Variants in NSDHL observed in about 807,000 individuals in gnomAD.
NSDHL encodes the protein sterol-4-alpha-carboxylate 3-dehydrogenase, decarboxylating.
Under a neutral mutation model 23.0 loss-of-function variants are expected in NSDHL, and 1 was observed. The observed-to-expected ratio is 0.04, with a 90% confidence interval of 0.02 to 0.21. The LOEUF is 0.21. Among genes scored for constraint, NSDHL ranks in the 10% least tolerant of loss-of-function variants. The pLI, the probability that NSDHL is intolerant of heterozygous loss-of-function variation, is 1.00. For missense variants in NSDHL, 237 were observed against 300.9 expected (o/e 0.79, Z 1.57); for synonymous variants, 128 against 121.1 (o/e 1.06, Z -0.37).
In NSDHL at chrX:152,865,933, A is replaced by G. The variant is rs782454035; in HGVS notation, c.658A>G (p.Arg220Gly). The G allele has an allele frequency of 6.5e-5, 79 of 1,211,350 alleles. No homozygotes were observed. The highest frequency in any genetic ancestry group is 8.0e-5 in the Non-Finnish European group (72 of 895,432). The change falls in exon 6 of 8, where the codon AGG (arginine) becomes GGG (glycine). Residue 220 changes from arginine to glycine, a missense_variant. By Grantham distance (125) the Arg-to-Gly change is moderately radical (BLOSUM62 -2). Around this residue, in one of 3 missense-constraint regions of NSDHL, gnomAD observed 39 missense variants for 98.1 expected, o/e 0.40. Transcript: ENST00000370274. The part of the protein sequence containing the change: ...QLVPILIEAA[R>G]NGKMKFVIGN... Reference sequence around the variant, plus strand: ...GGTACCCATCCTCATCGAGGCAGCCAGGAACGGCAAGATGAAGTTCGTGAT... The same window carrying G: ...GGTACCCATCCTCATCGAGGCAGCCGGGAACGGCAAGATGAAGTTCGTGAT...
intron 1 of NSDHL, 85 bp downstream of exon 1, chrX:152,831,202 G>A: frequency 3.4e-6 from 1 of 298,210 alleles, no homozygotes; most frequent in East Asian, 4.8e-5. Flanking sequence ...GGGGTCGCCC[G>A]GGTCGGGTGC....
intron 7 of NSDHL, among the ~76,000 whole-genome samples, chrX:152,868,327 C>T (rs782682151): frequency 8.2e-5 from 9 of 110,389 alleles, no homozygotes; most frequent in African/African-American, 1.6e-4. Context: ...TTAGTAGAGA[C>T]GGGGTTTCAC....
intron 4 of NSDHL, among the ~76,000 whole-genome samples, chrX:152,860,403 G>T (rs954411571): frequency 2.7e-5 from 3 of 111,848 alleles, no homozygotes; most frequent in Admixed American, 9.5e-5. Context: ...TTGTTAAATG[G>T]AAGGTTGGGG....
At chrX:152,858,724 C>G in intron 3 of NSDHL, 46 bp from the exon 4 acceptor site, 23 of 1,172,387 alleles carry the variant, frequency 2.0e-5, no homozygotes, top group Non-Finnish European at 2.6e-5. Context: ...ATGCCATTGA[C>G]CTGTCAAAGC....
Position 152,846,281 on chromosome X carries a change from G to A in NSDHL, c.-43-1G>A. ...TGTCTGTCTCTAACTATGTCTTTAA[G>A]AAAAGAAAAGTTGATTACAAACGGG... On this transcript the variant is annotated splice_acceptor_variant, in intron 1 of 7. Coordinates refer to ENST00000370274, the MANE Select transcript of NSDHL (RefSeq NM_015922.3). LOFTEE classifies it low-confidence loss of function (5UTR_SPLICE). 1 of 998,246 alleles carries A rather than the reference G, an allele frequency of 1.0e-6. No homozygotes were observed. Among genetic ancestry groups the A allele is most frequent in the Non-Finnish European group, 1.4e-6 (1 of 700,237 alleles). 82.3% of individuals were successfully genotyped at this position (998,246 alleles called of 1,213,427 possible). A position where few individuals can be genotyped will look rare whatever the true frequency, so the allele number is the denominator to read the frequency against.
At chrX:152,849,230 T>A (rs1235680833) in intron 2 of NSDHL, among the ~76,000 whole-genome samples, 2 of 112,400 alleles carry the variant, frequency 1.8e-5, no homozygotes, top group African/African-American at 6.5e-5. Context: ...GAGATTTGTT[T>A]GTTTTTTAAA....
chrX:152,858,817 G>C lies in NSDHL; in HGVS notation c.315G>C (p.Ala105=), dbSNP rs781847194. The stretch of plus-strand genomic sequence containing the variant: ...GTGTAAACACAGTTTTCCACTGTGC[G>C]TCACCCCCACCATCCAGTAACAACA... ...LKGVNTVFHC[A]SPPPSSNNKE... The change falls in exon 4 of 8, where the codon GCG becomes GCC. Residue 105 remains alanine, a synonymous_variant. Transcript: ENST00000370274. The C allele has an allele frequency of 2.5e-6, 3 of 1,206,227 alleles. No homozygotes were observed. The highest frequency in any genetic ancestry group is 3.4e-6 in the Non-Finnish European group (3 of 890,578).
At chrX:152,846,515 A>G in intron 2 of NSDHL, 83 bp downstream of exon 2, 1 of 634,266 alleles carries the variant, frequency 1.6e-6, no homozygotes, top group Non-Finnish European at 2.7e-6. Flanking sequence ...ACATGTATTA[A>G]TCAATGTTGG....
intron 1 of NSDHL, among the ~76,000 whole-genome samples, chrX:152,842,919 G>A (rs1217345295): frequency 1.8e-5 from 2 of 111,929 alleles, no homozygotes; most frequent in Non-Finnish European, 3.8e-5. Context: ...TATATCACAT[G>A]GTGAATTTAG....
At position 152,862,039 on chromosome X, in the gene NSDHL, T is replaced by A. The variant is rs144109440; in HGVS notation, c.415-557T>A. Among the ~76,000 whole-genome samples, 33 of 112,696 alleles carry A rather than the reference T, an allele frequency of 2.9e-4. No homozygotes were observed. The East Asian group carries it at 9.2e-3, about 31-fold the overall frequency. ...ACGATATGATTCATGCTAATGGTGT[T>A]CAGTGTTGGATGAGCTTCTCTTAAC... On this transcript the variant is annotated intron_variant, in intron 4 of 7. Coordinates refer to ENST00000370274, the MANE Select transcript of NSDHL (RefSeq NM_015922.3).
chrX:152,852,189 A>G (rs987420329), intron 3 of NSDHL, among the ~76,000 whole-genome samples: 1 of 111,025 alleles, frequency 9.0e-6, no homozygotes, highest in Non-Finnish European at 1.9e-5. Context: ...CTCCAGAGAA[A>G]CACCAGCAGG....
At chrX:152,866,011 G>A (rs782030160) in intron 6 of NSDHL, 50 bp downstream of exon 6, 13 of 1,175,421 alleles carry the variant, frequency 1.1e-5, no homozygotes, top group South Asian at 3.6e-5. Flanking sequence ...GTCCATGCTC[G>A]CATTCAGAGA....
intron 5 of NSDHL, among the ~76,000 whole-genome samples, chrX:152,863,230 C>T (rs782426303): frequency 4.5e-5 from 5 of 111,680 alleles, no homozygotes; most frequent in Non-Finnish European, 9.4e-5. Context: ...GAGTGTTTTC[C>T]AGGAGTATTT....
In NSDHL at chrX:152,869,427, GTGTCCT is replaced by G; in HGVS notation, c.*315_*320del. 3.0e-6 allele frequency: 1 copy of G among 332,133 alleles called. No individual in the cohort carries two copies. The allele number at this position is 332,133 out of a possible 1,213,427, so 27.4% of individuals were successfully genotyped here. A position where few individuals can be genotyped will look rare whatever the true frequency, so the allele number is the denominator to read the frequency against. On this transcript the variant is annotated 3_prime_UTR_variant, in exon 8 of 8. Coordinates refer to ENST00000370274, the MANE Select transcript of NSDHL (RefSeq NM_015922.3). ...CTTCTGGTTTATACATTTCATTCCA[GTGTCCT>G]TGTACATAATCAAGGAAGCTGTAGG... is the stretch of plus-strand genomic sequence containing the variant.
chrX:152,845,761 G>T (rs1292562520), intron 1 of NSDHL, among the ~76,000 whole-genome samples: 4 of 111,667 alleles, frequency 3.6e-5, no homozygotes, highest in Non-Finnish European at 7.5e-5. Context: ...CCCCGTCCCA[G>T]CATCCCATGT....
At chrX:152,840,968 C>G (rs180724634) in intron 1 of NSDHL, among the ~76,000 whole-genome samples, 2 of 113,137 alleles carry the variant, frequency 1.8e-5, no homozygotes, top group East Asian at 5.6e-4. Context: ...CTGCCCAGTT[C>G]GAGCTTCTCA....
chrX:152,869,262 G>T lies in NSDHL; in HGVS notation c.*146G>T. The T allele has an allele frequency of 1.9e-6, 1 of 533,460 alleles. No homozygotes were observed. The highest frequency in any genetic ancestry group is 5.1e-4 in the Middle Eastern group (1 of 1,956). 44.0% of individuals were successfully genotyped at this position (533,460 alleles called of 1,213,427 possible). On this transcript the variant is annotated 3_prime_UTR_variant, in exon 8 of 8. Coordinates refer to ENST00000370274, the MANE Select transcript of NSDHL (RefSeq NM_015922.3). ...GCAGAGAGCGCACCCTACTCTTTCC[G>T]TGACGATGAGGGCGGCAAAAACAGA...
Position 152,860,540 on chromosome X carries a change from A to G in NSDHL, c.414+1624A>G, listed in dbSNP as rs1376871506. On this transcript the variant is annotated intron_variant, in intron 4 of 7. Transcript: ENST00000370274. Reference sequence around the variant, plus strand: ...AGACCAGCCTGAGCAACATAGCAATACCCCACCTCTACACGAATTTTTAAA... The same window carrying G: ...AGACCAGCCTGAGCAACATAGCAATGCCCCACCTCTACACGAATTTTTAAA... Among the ~76,000 whole-genome samples, 3 of 110,374 alleles carry G rather than the reference A, an allele frequency of 2.7e-5. No individual in the cohort carries two copies. The Admixed American group carries it at 2.9e-4, about 11-fold the overall frequency.
At chrX:152,861,526 T>C (rs1556847528) in intron 4 of NSDHL, among the ~76,000 whole-genome samples, 1 of 113,119 alleles carries the variant, frequency 8.8e-6, no homozygotes, top group African/African-American at 3.2e-5. Flanking sequence ...TATGTTTGGC[T>C]TAACCAGTTC....
Sources: gnomAD v4.1 joint callset for allele counts (sites outside exome capture counted in the v4.1 genomes callset) on GRCh38, gnomAD v4.1.1 for gene constraint, gnomAD v4.1.1 regional missense constraint, MANE v1.5 for transcripts, NCBI Gene and HGNC (gene_info 2026-07-23, HGNC 2026-07-21) for gene names.